Variants in FRYL observed in about 807,000 individuals in gnomAD.
FRYL encodes the protein protein furry homolog-like.
In FRYL, 150 loss-of-function variants were observed where a neutral mutation model predicts 351.2. That is an observed-to-expected ratio of 0.43 (90% confidence interval 0.37 to 0.49). The LOEUF (loss-of-function observed/expected upper bound fraction) is 0.49. Among genes scored for constraint, FRYL ranks in the 20% least tolerant of loss-of-function variants. The probability of loss-of-function intolerance (pLI) is 0.00; values close to 1 mark genes in which losing one functional copy is unlikely to be tolerated. For synonymous variants in FRYL, 1,153 were observed against 1,257.1 expected (o/e 0.92, Z 1.75); for missense variants, 3,036 against 3,619.3 (o/e 0.84, Z 4.13).
intron 1 of FRYL, among the ~76,000 whole-genome samples, chr4:48,723,905 G>GT (rs1168544119): frequency 6.7e-6 from 1 of 149,110 alleles, no homozygotes; most frequent in East Asian, 2.0e-4. Flanking sequence ...AGGCAATATA[G>GT]TAAGACCCCA....
At chr4:48,712,181 G>T (rs886824570) in intron 1 of FRYL, among the ~76,000 whole-genome samples, 1 of 152,208 alleles carries the variant, frequency 6.6e-6, no homozygotes, top group Non-Finnish European at 1.5e-5. Context: ...CCAACGGAAC[G>T]CAGTTCCTCA....
At chr4:48,593,355 A>AG (rs35760577) in intron 16 of FRYL, among the ~76,000 whole-genome samples, 1 of 150,646 alleles carries the variant, frequency 6.6e-6, no homozygotes, top group East Asian at 2.0e-4. Flanking sequence ...TTCTTTATTC[A>AG]TTTTTTGAGA....
chr4:48,752,485 A>C (rs1773349433), intron 1 of FRYL, among the ~76,000 whole-genome samples: 1 of 152,248 alleles, frequency 6.6e-6, no homozygotes, highest in Non-Finnish European at 1.5e-5. Flanking sequence ...CATTTGCTTC[A>C]ACAATTAACA....
chr4:48,656,340 T>TAATATATACTAAATATATTAC (rs1560799616), intron 3 of FRYL, among the ~76,000 whole-genome samples: 13 of 122,230 alleles, frequency 1.1e-4, no homozygotes, highest in African/African-American at 3.8e-4. Context: ...AAATATATTA[T>TAATATATACTAAATATATTAC]ATAATATATA....
In FRYL at chr4:48,653,840, A is replaced by C. The variant is rs28694674; in HGVS notation, c.-80-19350T>G. On this transcript the variant is annotated intron_variant, in intron 3 of 63. Transcript: ENST00000358350. ...GCAGCAGCAGCAGCAGCAGAAGCAG[A>C]AGCAGCAGCAGCAGCGGTTTTGCCG... 4.4e-4 allele frequency: 396 copies of C among 901,750 alleles called. 1 individual carries two copies. Among genetic ancestry groups the C allele is most frequent in the Non-Finnish European group, 5.7e-4 (386 of 681,810 alleles). 55.9% of individuals were successfully genotyped at this position (901,750 alleles called of 1,614,324 possible). A position where few individuals can be genotyped will look rare whatever the true frequency, so the allele number is the denominator to read the frequency against.
intron 29 of FRYL, 60 bp downstream of exon 29, chr4:48,565,471 G>A: frequency 7.7e-7 from 1 of 1,306,456 alleles, no homozygotes; most frequent in African/African-American, 1.5e-5. Flanking sequence ...GTGACTGAGA[G>A]ACTTAAAAAT....
At chr4:48,674,736 C>CAAAAAAAAAAAAAAAAAAAAAAA in intron 3 of FRYL, among the ~76,000 whole-genome samples, 1 of 55,772 alleles carries the variant, frequency 1.8e-5, no homozygotes, top group African/African-American at 8.2e-5. Context: ...GACTCTGTCT[C>CAAAAAAAAAAAAAAAAAAAAAAA]AAAAAAAAAA....
chr4:48,547,555 C>T (rs775731484), intron 41 of FRYL, 29 bp downstream of exon 41: 21 of 1,342,474 alleles, frequency 1.6e-5, no homozygotes, highest in Non-Finnish European at 2.0e-5. Context: ...TATAATTCTA[C>T]TTTCAAATTG....
chr4:48,643,629 G>A (rs747532321), intron 3 of FRYL, among the ~76,000 whole-genome samples: 17 of 152,088 alleles, frequency 1.1e-4, no homozygotes, highest in African/African-American at 3.9e-4. Flanking sequence ...GAGATGATAA[G>A]TAAATGCAAT....
At chr4:48,764,271 G>A (rs769675518) in intron 1 of FRYL, among the ~76,000 whole-genome samples, 29 of 152,172 alleles carry the variant, frequency 1.9e-4, no homozygotes, top group Non-Finnish European at 3.4e-4. Context: ...GCTCACACCT[G>A]TAATTCAAGG....
chr4:48,739,588 C>A (rs1771826997), intron 1 of FRYL, among the ~76,000 whole-genome samples: 1 of 151,792 alleles, frequency 6.6e-6, no homozygotes, highest in Admixed American at 6.6e-5. Context: ...AATCACAGAC[C>A]CAAATCTAAA....
Position 48,500,030 on chromosome 4 carries a change from C to T in FRYL, c.8783G>A (p.Arg2928Lys). The T allele has an allele frequency of 6.4e-7, 1 of 1,574,270 alleles. No individual in the cohort carries two copies. Among genetic ancestry groups the T allele is most frequent in the Non-Finnish European group, 8.6e-7 (1 of 1,166,406 alleles). The part of the protein sequence containing the change: ...ISAVAQVKAF[R>K]SLWPSDIFGS... ...ACCTTTAAATCCCGTCACGTTTTAC[C>T]TGAAAGCTTTGACTTGTGCTACAGC... Residue 2928 changes from arginine to lysine, a missense_variant and splice_region_variant, in exon 63 of 64, where the codon AGA becomes AAA. By Grantham distance (26) the Arg-to-Lys change is conservative. This residue lies in a region of FRYL where 1,987 missense variants were observed against 2,311.7 expected (regional missense o/e 0.86). Transcript: ENST00000358350.
chr4:48,544,994 T>G, intron 42 of FRYL, 90 bp from the exon 43 acceptor site: 1 of 1,331,376 alleles, frequency 7.5e-7, no homozygotes, highest in Non-Finnish European at 1.0e-6. Flanking sequence ...CCTTTACAAT[T>G]AGAAAGGATG....
chr4:48,774,606 C>T (rs1217921173), intron 1 of FRYL, among the ~76,000 whole-genome samples: 2 of 150,820 alleles, frequency 1.3e-5, no homozygotes, highest in Non-Finnish European at 2.9e-5. Flanking sequence ...AGCACAGTGG[C>T]GTGATCTCGG....
rs1718856517 is a variant in FRYL at position 48,498,440 on chromosome 4, T to TAC, written c.*981_*982insGT. ...AATAACTGGTTTTAGTCTCTACAGT[T>TAC]TCTATATGGAGTAAAATAAGTTAAA... On this transcript the variant is annotated 3_prime_UTR_variant, in exon 64 of 64. Coordinates refer to ENST00000358350, the MANE Select transcript of FRYL (RefSeq NM_015030.2). 6.6e-6 allele frequency: 1 copy of TAC among 152,560 alleles called. No homozygotes were observed. Among genetic ancestry groups the TAC allele is most frequent in the South Asian group, 2.1e-4 (1 of 4,832 alleles). The allele number at this position is 152,560 out of a possible 1,614,324, so 9.5% of individuals were successfully genotyped here.
In FRYL at chr4:48,549,558, G is replaced by T. The variant is rs757412185; in HGVS notation, c.4699C>A (p.Leu1567Met). 1 of 1,613,482 alleles carries T rather than the reference G, an allele frequency of 6.2e-7. No individual in the cohort carries two copies. The highest frequency in any genetic ancestry group is 8.5e-7 in the Non-Finnish European group (1 of 1,179,648). The change falls in exon 39 of 64, where the codon CTG becomes ATG. Residue 1567 changes from leucine (L) to methionine (M), a missense_variant. Leu to Met is a conservative substitution (Grantham distance 15). This residue lies in a region of FRYL where 1,987 missense variants were observed against 2,311.7 expected (regional missense o/e 0.86). Coordinates refer to ENST00000358350, the MANE Select transcript of FRYL (RefSeq NM_015030.2). The surrounding 1 kb of genome is among the most constrained non-coding windows in gnomAD (Gnocchi z 4.2). ...CAGCCTCCAGCTGGTGGGAAGGGCA[G>T]TGGCTCTCCTTGGTTATGCTCCATC... ...KVMEHNQGEP[L>M]PFPPAGGCWS...
At chr4:48,513,666 C>T (rs1481386135) in intron 56 of FRYL, among the ~76,000 whole-genome samples, 2 of 152,026 alleles carry the variant, frequency 1.3e-5, no homozygotes, top group South Asian at 2.1e-4. Context: ...TGGAGGGACC[C>T]GAGTAAAGAC....
At chr4:48,732,843 G>A (rs553313186) in intron 1 of FRYL, among the ~76,000 whole-genome samples, 25 of 151,576 alleles carry the variant, frequency 1.6e-4, no homozygotes, top group African/African-American at 6.1e-4. Context: ...GTTGATGTGT[G>A]CAGCAAACCA....
At chr4:48,574,125 CTTTA>C (rs1472704983) in intron 25 of FRYL, among the ~76,000 whole-genome samples, 3 of 152,020 alleles carry the variant, frequency 2.0e-5, no homozygotes, top group African/African-American at 7.2e-5. Context: ...ATAAATTTCT[CTTTA>C]TTTATATTTT....
Sources: allele counts gnomAD v4.1 joint callset (sites outside exome capture counted in the v4.1 genomes callset), GRCh38; gene constraint gnomAD v4.1.1; regional missense constraint gnomAD v4.1.1; non-coding constraint Gnocchi (gnomAD v3.1); transcripts MANE v1.5; gene names NCBI Gene and HGNC (gene_info 2026-07-23, HGNC 2026-07-21).